GPC5: variants seen among roughly 807,000 people sequenced by gnomAD.
GPC5 encodes glypican 5, also known as glypican-5.
In GPC5, 47 loss-of-function variants were observed where a neutral mutation model predicts 53.9. That is an observed-to-expected ratio of 0.87 (90% CI 0.69 to 1.11). The LOEUF is 1.11. GPC5 is among the 50% of genes most tolerant of loss of function. GPC5 has a pLI of 0.00. For synonymous variants in GPC5, 286 were observed against 263.3 expected (o/e 1.09, Z -0.84); for missense variants, 748 against 713.1 (o/e 1.05, Z -0.56).
intron 6 of GPC5, among the ~76,000 whole-genome samples, chr13:92,134,834 A>G (rs1263007789): frequency 2.0e-5 from 3 of 152,088 alleles, no homozygotes; most frequent in Admixed American, 6.5e-5. Context: ...TCGTGTCAGT[A>G]TATGTATATG....
chr13:91,964,642 T>C (rs1207640771), intron 6 of GPC5, among the ~76,000 whole-genome samples: 3 of 152,136 alleles, frequency 2.0e-5, no homozygotes, highest in Non-Finnish European at 4.4e-5. Flanking sequence ...TATAATCCTT[T>C]AGCTAGACAG....
At chr13:91,739,944 C>T (rs892683116) in intron 4 of GPC5, among the ~76,000 whole-genome samples, 1 of 151,290 alleles carries the variant, frequency 6.6e-6, no homozygotes. Flanking sequence ...TTGGCAGCAA[C>T]TTACAGGCAA....
intron 7 of GPC5, among the ~76,000 whole-genome samples, chr13:92,361,975 A>G (rs1000667238): frequency 1.3e-5 from 2 of 151,636 alleles, no homozygotes; most frequent in Admixed American, 1.3e-4. Flanking sequence ...ACTTTTTTCT[A>G]TAGCTCTTAG....
chr13:92,223,927 T>A (rs1404975645), intron 7 of GPC5, among the ~76,000 whole-genome samples: 1 of 152,040 alleles, frequency 6.6e-6, no homozygotes, highest in Non-Finnish European at 1.5e-5. Context: ...TCCAAGAATA[T>A]AAGAGGAAAT....
chr13:92,638,389 C>T (rs1885480243), intron 7 of GPC5, among the ~76,000 whole-genome samples: 1 of 152,050 alleles, frequency 6.6e-6, no homozygotes, highest in East Asian at 1.9e-4. Flanking sequence ...AATGCTAAAT[C>T]CTCATCACAG....
chr13:92,575,537 G>A (rs980662430), intron 7 of GPC5, among the ~76,000 whole-genome samples: 2 of 152,052 alleles, frequency 1.3e-5, no homozygotes, highest in African/African-American at 2.4e-5. Flanking sequence ...AGAACTGCGC[G>A]AGAATGCATT....
At position 92,191,148 on chromosome 13, in the gene GPC5, A is replaced by T. The variant is rs117476883; in HGVS notation, c.1561+46159A>T. On this transcript the variant is annotated intron_variant, in intron 7 of 7. Transcript: ENST00000377067. The stretch of plus-strand genomic sequence containing the variant: ...GGGCATTATATAGTGATAAAGGGTC[A>T]ATACTCCAAGAAGATATAGCAATCC... Among the ~76,000 whole-genome samples the T allele has an allele frequency of 4.9e-3, 743 of 152,234 alleles. 2 individuals carry two copies. Among genetic ancestry groups the T allele is most frequent in the Middle Eastern group, 0.01 (3 of 294 alleles).
chr13:91,757,704 A>G (rs904760588), intron 5 of GPC5, among the ~76,000 whole-genome samples: 2 of 152,132 alleles, frequency 1.3e-5, no homozygotes, highest in African/African-American at 2.4e-5. Context: ...CTATGAGTCA[A>G]TTAAACTTCT....
intron 5 of GPC5, among the ~76,000 whole-genome samples, chr13:91,858,797 T>C (rs2038994563): frequency 6.6e-6 from 1 of 152,040 alleles, no homozygotes; most frequent in Non-Finnish European, 1.5e-5. Context: ...GGATTTTTCT[T>C]TCCTGGGAAA....
chr13:92,852,759 C>T lies in GPC5; in HGVS notation c.1562-13523C>T, dbSNP rs976264971. Among the ~76,000 whole-genome samples, 6 of 152,068 alleles carry T rather than the reference C, an allele frequency of 3.9e-5. No homozygotes were observed. In the East Asian group the frequency reaches 7.7e-4, roughly 20 times the overall value. Reference sequence around the variant, plus strand: ...TCCCCAGACGGAAGCTCCTACTTGGCAGTTTGTGTCTCCACACCTGTGTCC... The same window carrying T: ...TCCCCAGACGGAAGCTCCTACTTGGTAGTTTGTGTCTCCACACCTGTGTCC... On this transcript the variant is annotated intron_variant, in intron 7 of 7. Coordinates refer to ENST00000377067, the MANE Select transcript of GPC5 (RefSeq NM_004466.6).
rs1370898486 is a variant in GPC5 at position 91,907,223 on chromosome 13, ACT to A, written c.1281-711_1281-710del. 2.0e-5 allele frequency among the ~76,000 whole-genome samples: 3 copies of A among 149,096 alleles called. No homozygotes were observed. The Admixed American group carries it at 2.0e-4, about 10-fold the overall frequency. Reference sequence around the variant, plus strand: ...TCCCTAATGGATACTAGAATTCTTAACTCTAAGTCCCTCTATGCCTACAAAAA... The same window carrying A: ...TCCCTAATGGATACTAGAATTCTTAACTAAGTCCCTCTATGCCTACAAAAA... On this transcript the variant is annotated intron_variant, in intron 5 of 7. Transcript: ENST00000377067.
chr13:92,715,543 G>A (rs982207450), intron 7 of GPC5, among the ~76,000 whole-genome samples: 28 of 152,132 alleles, frequency 1.8e-4, no homozygotes, highest in African/African-American at 6.8e-4. Flanking sequence ...CAATTAACAG[G>A]AACATATGAT....
At chr13:92,091,750 AC>A (rs201646983) in intron 6 of GPC5, among the ~76,000 whole-genome samples, 1 of 114,916 alleles carries the variant, frequency 8.7e-6, no homozygotes, top group African/African-American at 3.3e-5. Flanking sequence ...CAAGAATTTC[AC>A]CCCCCCACAG....
chr13:92,636,694 G>A (rs1375929253), intron 7 of GPC5, among the ~76,000 whole-genome samples: 1 of 152,012 alleles, frequency 6.6e-6, no homozygotes, highest in African/African-American at 2.4e-5. Context: ...TATTCCACAC[G>A]AATGGAAGGT....
chr13:91,424,361 C>CT (rs781733611), intron 1 of GPC5, among the ~76,000 whole-genome samples: 4,704 of 113,426 alleles, frequency 0.041, 204 homozygotes, highest in Non-Finnish European at 0.058. Flanking sequence ...TCCAGTACTG[C>CT]TTTTTTTTTT....
At chr13:92,814,384 G>T (rs1877392765) in intron 7 of GPC5, among the ~76,000 whole-genome samples, 1 of 151,894 alleles carries the variant, frequency 6.6e-6, no homozygotes, top group African/African-American at 2.4e-5. Context: ...TCATCGGCTG[G>T]GCATGGTGTC....
intron 5 of GPC5, among the ~76,000 whole-genome samples, chr13:91,767,581 C>T (rs1236146567): frequency 6.6e-6 from 1 of 152,086 alleles, no homozygotes; most frequent in Non-Finnish European, 1.5e-5. Context: ...TAGTCATCTC[C>T]CTTTATCCAC....
chr13:91,418,604 G>GA (rs1878395305), intron 1 of GPC5, among the ~76,000 whole-genome samples: 1 of 152,166 alleles, frequency 6.6e-6, no homozygotes, highest in South Asian at 2.1e-4. Context: ...AGTGTGGAAG[G>GA]AAAGGTGAAC....
chr13:92,100,466 G>A (rs763015463), intron 6 of GPC5, among the ~76,000 whole-genome samples: 3 of 152,100 alleles, frequency 2.0e-5, no homozygotes, highest in African/African-American at 7.2e-5. Flanking sequence ...TATTGCACTA[G>A]GTACTTCACA....
Sources: allele counts gnomAD v4.1 joint callset (sites outside exome capture counted in the v4.1 genomes callset), GRCh38; gene constraint gnomAD v4.1.1; transcripts MANE v1.5; gene names NCBI Gene and HGNC (gene_info 2026-07-23, HGNC 2026-07-21).